NFIB: variants seen among roughly 807,000 people sequenced by gnomAD.
The protein encoded by NFIB is nuclear factor 1 B-type.
Under a neutral mutation model 61.5 loss-of-function variants are expected in NFIB, and 11 were observed. The ratio of observed to expected loss-of-function variants is 0.18; its 90% CI spans 0.11 to 0.30. NFIB has a LOEUF of 0.30. Ranked by LOEUF, NFIB falls within the 10% of genes least tolerant of loss-of-function variation. The probability of loss-of-function intolerance (pLI) is 1.00; values close to 1 mark genes in which losing one functional copy is unlikely to be tolerated. For missense variants in NFIB, 471 were observed against 608.9 expected (o/e 0.77, Z 2.38); for synonymous variants, 260 against 216.5 (o/e 1.20, Z -1.76).
intron 2 of NFIB, among the ~76,000 whole-genome samples, chr9:14,289,510 G>A (rs1250385377): frequency 6.6e-6 from 1 of 151,306 alleles, no homozygotes; most frequent in Non-Finnish European, 1.5e-5. Context: ...TGGTGAGAAG[G>A]TTATATTTTC....
intron 1 of NFIB, among the ~76,000 whole-genome samples, chr9:14,396,121 G>GCT (rs376615037): frequency 1.2e-4 from 19 of 152,076 alleles, no homozygotes; most frequent in African/African-American, 4.6e-4. Context: ...ATAAATAATA[G>GCT]CTCTCGCAAA....
chr9:14,083,394 G>A lies in NFIB; in HGVS notation c.*4915C>T, dbSNP rs1057031606. Reference sequence around the variant, plus strand: ...GGAACTACCAGAAAGTGCAAAATATGAAGAAGGCAGCTTTCAGCTCCTTCA... The same window carrying A: ...GGAACTACCAGAAAGTGCAAAATATAAAGAAGGCAGCTTTCAGCTCCTTCA... On this transcript the variant is annotated 3_prime_UTR_variant, in exon 11 of 11. Coordinates refer to ENST00000380953, the MANE Select transcript of NFIB (RefSeq NM_001190737.2). 2.8e-5 allele frequency: 6 copies of A among 212,032 alleles called. No homozygotes were observed. Among genetic ancestry groups the A allele is most frequent in the African/African-American group, 1.4e-4 (6 of 43,098 alleles). 13.1% of individuals were successfully genotyped at this position (212,032 alleles called of 1,614,324 possible). A position where few individuals can be genotyped will look rare whatever the true frequency, so the allele number is the denominator to read the frequency against.
chr9:14,204,115 T>C (rs541307881), intron 2 of NFIB: 36 of 412,294 alleles, frequency 8.7e-5, no homozygotes, highest in African/African-American at 6.9e-4. Flanking sequence ...TTTCTTCTCA[T>C]CCTTTAACAG....
the NFIB span, among the ~76,000 whole-genome samples, chr9:14,426,297 A>C: frequency 6.6e-6 from 1 of 152,186 alleles, no homozygotes; most frequent in Non-Finnish European, 1.5e-5. Context: ...TGAGCTCTAC[A>C]GGCCAGATGC....
the NFIB span, among the ~76,000 whole-genome samples, chr9:14,411,435 A>C: frequency 1.3e-5 from 2 of 152,174 alleles, no homozygotes; most frequent in African/African-American, 2.4e-5. Context: ...CAAGGAATTT[A>C]GTATATTCTC....
At chr9:14,263,726 G>C (rs1197184995) in intron 2 of NFIB, among the ~76,000 whole-genome samples, 2 of 152,184 alleles carry the variant, frequency 1.3e-5, no homozygotes, top group African/African-American at 4.8e-5. Context: ...ATCAAATTCA[G>C]AATTGGAGTT....
In NFIB at chr9:14,087,712, A is replaced by G. The variant is rs2033081458; in HGVS notation, c.*597T>C. 2 of 217,208 alleles carry G rather than the reference A, an allele frequency of 9.2e-6. No homozygotes were observed. The highest frequency in any genetic ancestry group is 4.5e-5 in the African/African-American group (2 of 44,324). The allele number at this position is 217,208 out of a possible 1,614,324, so 13.5% of individuals were successfully genotyped here. A position where few individuals can be genotyped will look rare whatever the true frequency, so the allele number is the denominator to read the frequency against. ...TACAGAGATTTCATATATTTTTTTT[A>G]ACTTTTAGAAATCAGAGTGCTTATA... On this transcript the variant is annotated 3_prime_UTR_variant, in exon 11 of 11. Coordinates refer to ENST00000380953, the MANE Select transcript of NFIB (RefSeq NM_001190737.2).
At chr9:14,329,283 TA>T (rs1360608463) in intron 1 of NFIB, among the ~76,000 whole-genome samples, 1 of 152,126 alleles carries the variant, frequency 6.6e-6, no homozygotes, top group Non-Finnish European at 1.5e-5. Context: ...CTCTTTGTAT[TA>T]ATGTTTTTTT....
chr9:14,505,027 G>T, the NFIB span, among the ~76,000 whole-genome samples: 1 of 152,106 alleles, frequency 6.6e-6, no homozygotes, highest in Admixed American at 6.5e-5. Flanking sequence ...TTTTTCGAGG[G>T]TTTTAATCAT....
chr9:14,107,148 C>A (rs2036678014), intron 10 of NFIB, among the ~76,000 whole-genome samples: 2 of 152,004 alleles, frequency 1.3e-5, no homozygotes, highest in African/African-American at 2.4e-5. Context: ...CTCCAATATT[C>A]ATACTTTGGA....
chr9:14,249,214 T>A (rs1017824362), intron 2 of NFIB, among the ~76,000 whole-genome samples: 3 of 151,962 alleles, frequency 2.0e-5, no homozygotes, highest in Non-Finnish European at 4.4e-5. Context: ...TTACATAAAC[T>A]GAGGATGGGG....
intron 3 of NFIB, among the ~76,000 whole-genome samples, chr9:14,160,831 C>CAA (rs36063048): frequency 0.12 from 11,390 of 96,040 alleles, 940 homozygotes; most frequent in African/African-American, 0.16. Flanking sequence ...AAGGAAATCT[C>CAA]AAAAAAAAAA....
rs1010516552 is a variant in NFIB, at chr9:14,085,104, T to C, written c.*3205A>G. 5.2e-5 allele frequency: 12 copies of C among 229,192 alleles called. No individual in the cohort carries two copies. Among genetic ancestry groups the C allele is most frequent in the Middle Eastern group, 1.3e-3 (1 of 798 alleles). The allele number at this position is 229,192 out of a possible 1,614,324, so 14.2% of individuals were successfully genotyped here. A position where few individuals can be genotyped will look rare whatever the true frequency, so the allele number is the denominator to read the frequency against. ...ACCAGGGCGAGTATCACAGAAATGA[T>C]TGGACTTACTTTTGAACTTGCACTG... On this transcript the variant is annotated 3_prime_UTR_variant, in exon 11 of 11. Coordinates refer to ENST00000380953, the MANE Select transcript of NFIB (RefSeq NM_001190737.2).
At chr9:14,353,882 T>A (rs959731465) in intron 1 of NFIB, among the ~76,000 whole-genome samples, 16 of 149,214 alleles carry the variant, frequency 1.1e-4, no homozygotes, top group Non-Finnish European at 1.8e-4. Context: ...TGCATGCAAT[T>A]GAGGCTGACA....
At chr9:14,476,049 A>G in the NFIB span, among the ~76,000 whole-genome samples, 1 of 152,214 alleles carries the variant, frequency 6.6e-6, no homozygotes, top group Admixed American at 6.5e-5. Flanking sequence ...TGTCAGAACA[A>G]TAAGTCAATG....
At chr9:14,461,521 C>T in the NFIB span, among the ~76,000 whole-genome samples, 1 of 152,162 alleles carries the variant, frequency 6.6e-6, no homozygotes, top group Non-Finnish European at 1.5e-5. Context: ...CACTGTGGAA[C>T]TACTTGCAAA....
the NFIB span, among the ~76,000 whole-genome samples, chr9:14,510,341 G>C: frequency 6.6e-6 from 1 of 152,194 alleles, no homozygotes; most frequent in African/African-American, 2.4e-5. Flanking sequence ...AGGGGAAACA[G>C]AAAAGCTTAA....
rs144818992 is a variant in NFIB, at chr9:14,237,628, G to C, written c.563-57848C>G. On this transcript the variant is annotated intron_variant, in intron 2 of 10. Transcript: ENST00000380953. ...CCCACATACCAGATGGGAAAGCTGA[G>C]GCATCCAAAAGTTAAATAACTCCCA... Among the ~76,000 whole-genome samples the C allele has an allele frequency of 5.6e-3, 857 of 152,208 alleles. 8 individuals carry two copies. The highest frequency in any genetic ancestry group is 0.02 in the African/African-American group (819 of 41,526).
At chr9:14,526,236 G>A in the NFIB span, among the ~76,000 whole-genome samples, 2 of 152,090 alleles carry the variant, frequency 1.3e-5, no homozygotes, top group African/African-American at 4.8e-5. Context: ...TTTTAGGGAG[G>A]TGCTGGGGTA....
Sources: allele counts gnomAD v4.1 joint callset (sites outside exome capture counted in the v4.1 genomes callset), GRCh38; gene constraint gnomAD v4.1.1; transcripts MANE v1.5; gene names NCBI Gene and HGNC (gene_info 2026-07-23, HGNC 2026-07-21).